H2AZ2: variants seen among roughly 807,000 people sequenced by gnomAD.
H2AZ2 encodes histone H2A.V.
A neutral mutation model predicts 15.5 loss-of-function variants in H2AZ2; 5 were observed. The observed-to-expected ratio is 0.32, with a 90% CI of 0.17 to 0.68. The LOEUF is 0.68. Ranked by LOEUF, H2AZ2 falls within the 30% of genes least tolerant of loss-of-function variation. The pLI is 0.72. For missense variants in H2AZ2, 42 were observed against 162.5 expected (o/e 0.26, Z 4.03); for synonymous variants, 44 against 57.4 (o/e 0.77, Z 1.05).
intron 3 of H2AZ2, among the ~76,000 whole-genome samples, chr7:44,836,771 T>A (rs1583713339): frequency 6.6e-6 from 1 of 151,112 alleles, no homozygotes; most frequent in Admixed American, 6.6e-5. Flanking sequence ...CCGAGAGGGG[T>A]GGATCATGAG....
chr7:44,844,963 T>C (rs888394958), intron 1 of H2AZ2, among the ~76,000 whole-genome samples: 45 of 152,222 alleles, frequency 3.0e-4, no homozygotes, highest in African/African-American at 1.1e-3. Context: ...TTCTCTCATA[T>C]ATTTTGCTTT....
downstream of H2AZ2, chr7:44,830,032 T>A (rs1792979092): frequency 2.1e-6 from 2 of 936,972 alleles, no homozygotes; most frequent in Non-Finnish European, 3.3e-6. Flanking sequence ...AATGTCCTTG[T>A]TCAGCACATT....
At chr7:44,847,940 G>T (rs1379625345) in intron 1 of H2AZ2, 29 bp downstream of exon 1, 3 of 1,507,606 alleles carry the variant, frequency 2.0e-6, no homozygotes, top group Non-Finnish European at 2.6e-6. Context: ...CCCAGGCCCC[G>T]TGCCCCCGGC....
At chr7:44,835,248 G>GT in intron 4 of H2AZ2, 2 of 401,908 alleles carry the variant, frequency 5.0e-6, no homozygotes, top group Non-Finnish European at 8.8e-6. Context: ...TTCAAACACA[G>GT]TTAAAAAAGT....
Position 44,833,797 on chromosome 7 carries a change from A to T in H2AZ2, c.*704T>A. 1 of 657,032 alleles carries T rather than the reference A, an allele frequency of 1.5e-6. No individual in the cohort carries two copies. The highest frequency in any genetic ancestry group is 1.9e-6 in the Non-Finnish European group (1 of 529,994). The allele number at this position is 657,032 out of a possible 1,614,324, so 40.7% of individuals were successfully genotyped here. ...CTACCAGTTCAATGTTTTTTGGCAT[A>T]GCACACAATTTCTGTGACCCTTAGG... On this transcript the variant is annotated 3_prime_UTR_variant, in exon 5 of 5. Coordinates refer to ENST00000308153, the MANE Select transcript of H2AZ2 (RefSeq NM_012412.5).
At chr7:44,844,765 G>A (rs992559252) in intron 1 of H2AZ2, among the ~76,000 whole-genome samples, 4 of 152,042 alleles carry the variant, frequency 2.6e-5, no homozygotes, top group African/African-American at 9.7e-5. Context: ...TGAACTGTAC[G>A]CTTTAAAAAA....
Position 44,834,222 on chromosome 7 carries a change from G to C in H2AZ2, c.*279C>G, listed in dbSNP as rs1793062565. 8 of 1,190,376 alleles carry C rather than the reference G, an allele frequency of 6.7e-6. No homozygotes were observed. Among genetic ancestry groups the C allele is most frequent in the African/African-American group, 1.5e-5 (1 of 64,790 alleles). 73.7% of individuals were successfully genotyped at this position (1,190,376 alleles called of 1,614,324 possible). On this transcript the variant is annotated 3_prime_UTR_variant, in exon 5 of 5. Coordinates refer to ENST00000308153, the MANE Select transcript of H2AZ2 (RefSeq NM_012412.5). The stretch of plus-strand genomic sequence containing the variant: ...TACATCATGAACAGAACAGTTTTGA[G>C]ACAAATTAATTTTGTAAAAAATGGT...
intron 1 of H2AZ2, among the ~76,000 whole-genome samples, chr7:44,843,894 C>T (rs1208690511): frequency 6.6e-6 from 1 of 152,108 alleles, no homozygotes; most frequent in African/African-American, 2.4e-5. Flanking sequence ...ACATATTTAT[C>T]AATTTCCAGA....
In H2AZ2 at chr7:44,846,761, TA is replaced by T. The variant is rs996553400; in HGVS notation, c.3+1207del. 1.2e-4 allele frequency among the ~76,000 whole-genome samples: 18 copies of T among 151,862 alleles called. 1 individual carries two copies. The East Asian group carries it at 1.7e-3, about 15-fold the overall frequency. On this transcript the variant is annotated intron_variant, in intron 1 of 4. Coordinates refer to ENST00000308153, the MANE Select transcript of H2AZ2 (RefSeq NM_012412.5). ...TGTACCTCAGTTTGATAAAGTACTA[TA>T]AAGTACTTTACAATAACAATAAACT...
intron 1 of H2AZ2, among the ~76,000 whole-genome samples, chr7:44,843,952 T>C (rs554552546): frequency 6.6e-6 from 1 of 152,226 alleles, no homozygotes; most frequent in South Asian, 2.1e-4. Flanking sequence ...ACATGAAATA[T>C]TTCACAATTT....
At chr7:44,844,825 T>C (rs1269541345) in intron 1 of H2AZ2, among the ~76,000 whole-genome samples, 1 of 152,208 alleles carries the variant, frequency 6.6e-6, no homozygotes, top group East Asian at 1.9e-4. Flanking sequence ...TAATGAGCTT[T>C]TAAGTAAATA....
chr7:44,835,185 G>A (rs1300254086), intron 4 of H2AZ2: 1 of 295,488 alleles, frequency 3.4e-6, no homozygotes, highest in African/African-American at 2.2e-5. Flanking sequence ...CTTTTCAAGT[G>A]TATTTATTTC....
chr7:44,830,843 TAAAC>T (rs1028777918), downstream of H2AZ2, among the ~76,000 whole-genome samples: 10 of 151,840 alleles, frequency 6.6e-5, no homozygotes, highest in East Asian at 5.8e-4. Context: ...ACTACACAAA[TAAAC>T]AAACAAACAA....
chr7:44,831,160 TTGTC>T (rs1282133741), downstream of H2AZ2, among the ~76,000 whole-genome samples: 3 of 152,002 alleles, frequency 2.0e-5, no homozygotes. Flanking sequence ...GAGTAATACT[TTGTC>T]TGAAAAAATA....
In H2AZ2 at chr7:44,846,060, C is replaced by CAGAGAG. The variant is rs1167886736; in HGVS notation, c.3+1908_3+1909insCTCTCT. On this transcript the variant is annotated intron_variant, in intron 1 of 4. Coordinates refer to ENST00000308153, the MANE Select transcript of H2AZ2 (RefSeq NM_012412.5). ...ACACACACACACACACACACACACA[C>CAGAGAG]ACAGAGAGAGACAGAGAGAGAGAGA... Among the ~76,000 whole-genome samples, 265 of 78,254 alleles carry CAGAGAG rather than the reference C, an allele frequency of 3.4e-3. 1 individual carries two copies. Among genetic ancestry groups the CAGAGAG allele is most frequent in the Non-Finnish European group, 6.4e-3 (208 of 32,370 alleles). 51.3% of individuals were successfully genotyped at this position (78,254 alleles called of 152,430 possible).
intron 1 of H2AZ2, among the ~76,000 whole-genome samples, chr7:44,846,035 A>G (rs1793390996): frequency 1.1e-5 from 1 of 92,100 alleles, no homozygotes; most frequent in Admixed American, 1.1e-4. Context: ...ACACACACAC[A>G]CACACACACA....
In H2AZ2 at chr7:44,832,709, G is replaced by A. The variant is rs1020599842; in HGVS notation, c.*1792C>T. On this transcript the variant is annotated 3_prime_UTR_variant, in exon 5 of 5. Coordinates refer to ENST00000308153, the MANE Select transcript of H2AZ2 (RefSeq NM_012412.5). ...TATGCCTATAATCCCAGTACTTTGG[G>A]AGGCCAAGGTGGGAGGATGGCTTGA... 1.3e-5 allele frequency among the ~76,000 whole-genome samples: 2 copies of A among 152,178 alleles called. No homozygotes were observed. The highest frequency in any genetic ancestry group is 4.8e-5 in the African/African-American group (2 of 41,448).
rs926004093 is a variant in H2AZ2, at chr7:44,832,474, A to C, written c.*2027T>G. Among the ~76,000 whole-genome samples the C allele has an allele frequency of 1.3e-5, 2 of 152,162 alleles. No individual in the cohort carries two copies. Among genetic ancestry groups the C allele is most frequent in the Non-Finnish European group, 2.9e-5 (2 of 68,034 alleles). The stretch of plus-strand genomic sequence containing the variant: ...CAGCTGTTGGAGGATGGGTACACAG[A>C]GCTTCATTCTGCTATTCTTTTTGTG... On this transcript the variant is annotated 3_prime_UTR_variant, in exon 5 of 5. Coordinates refer to ENST00000308153, the MANE Select transcript of H2AZ2 (RefSeq NM_012412.5).
chr7:44,828,363 C>T (rs1434153916), downstream of H2AZ2: 4 of 152,148 alleles, frequency 2.6e-5, no homozygotes, highest in East Asian at 1.9e-4. Flanking sequence ...CTGGTAATAA[C>T]GGCTTTTAGA....
Sources: allele counts gnomAD v4.1 joint callset (sites outside exome capture counted in the v4.1 genomes callset), GRCh38; gene constraint gnomAD v4.1.1; transcripts MANE v1.5; gene names NCBI Gene and HGNC (gene_info 2026-07-23, HGNC 2026-07-21).